GXYLT1: variants seen among roughly 807,000 people sequenced by gnomAD.
GXYLT1 encodes the protein glycosyltransferase 8 domain containing 3.
In GXYLT1, 29 loss-of-function variants were observed where a neutral mutation model predicts 54.0. That is an observed-to-expected ratio of 0.54 (90% CI 0.40 to 0.73). The LOEUF (loss-of-function observed/expected upper bound fraction) is 0.73, where lower values mean the gene tolerates loss of function less well. GXYLT1 is among the 30% of genes least tolerant of loss of function. GXYLT1 has a pLI of 0.00. For missense variants in GXYLT1, 490 were observed against 553.4 expected (o/e 0.89, Z 1.15); for synonymous variants, 176 against 204.1 (o/e 0.86, Z 1.17).
intron 7 of GXYLT1, among the ~76,000 whole-genome samples, chr12:42,091,168 T>C (rs1365984338): frequency 6.6e-6 from 1 of 152,118 alleles, no homozygotes; most frequent in East Asian, 1.9e-4. Flanking sequence ...AGCAGGAGCA[T>C]CATAAAAGAC....
chr12:42,109,892 T>A (rs947731751), intron 3 of GXYLT1, among the ~76,000 whole-genome samples: 3 of 152,194 alleles, frequency 2.0e-5, no homozygotes, highest in African/African-American at 7.2e-5. Context: ...GATCCCAGAC[T>A]TCCCCATTAA....
At chr12:42,090,028 T>A (rs1160662428) in intron 7 of GXYLT1, among the ~76,000 whole-genome samples, 1 of 151,910 alleles carries the variant, frequency 6.6e-6, no homozygotes, top group Non-Finnish European at 1.5e-5. Flanking sequence ...TTCCCAGGAG[T>A]ATGTAGTACT....
At chr12:42,092,098 GT>G (rs1376730639) in intron 7 of GXYLT1, among the ~76,000 whole-genome samples, 1 of 152,152 alleles carries the variant, frequency 6.6e-6, no homozygotes, top group Non-Finnish European at 1.5e-5. Context: ...CTCTTTCACA[GT>G]TCTAGAACAA....
chr12:42,100,013 A>T (rs1046980710), intron 5 of GXYLT1, among the ~76,000 whole-genome samples: 3 of 152,192 alleles, frequency 2.0e-5, no homozygotes, highest in Non-Finnish European at 1.5e-5. Flanking sequence ...TTTAAAATAA[A>T]AAAGATACTG....
chr12:42,101,867 C>A (rs982215232), intron 5 of GXYLT1, among the ~76,000 whole-genome samples: 3 of 152,126 alleles, frequency 2.0e-5, no homozygotes, highest in Non-Finnish European at 4.4e-5. Flanking sequence ...CCACTGCACC[C>A]AGCCTCAAAA....
At chr12:42,138,248 C>T (rs1279076945) in intron 1 of GXYLT1, among the ~76,000 whole-genome samples, 1 of 152,102 alleles carries the variant, frequency 6.6e-6, no homozygotes, top group African/African-American at 2.4e-5. Flanking sequence ...GTCTGGGTGA[C>T]AGAGACTGCG....
chr12:42,097,571 A>G lies in GXYLT1; in HGVS notation c.1032T>C (p.Asp344=). The change falls in exon 7 of 8, where the codon GAT becomes GAC. Residue 344 remains aspartate, a synonymous_variant. Transcript: ENST00000398675. ...GGCAATTGCTTCCATATATACAATG[A>G]TCTGGTCGATAATTCCATTGACACG... is the stretch of plus-strand genomic sequence containing the variant. ...VFPCQWNYRP[D]HCIYGSNCQE... is the part of the protein sequence containing the mutation. 1 of 1,609,406 alleles carries G rather than the reference A, an allele frequency of 6.2e-7. No homozygotes were observed. Among genetic ancestry groups the G allele is most frequent in the Non-Finnish European group, 8.5e-7 (1 of 1,178,770 alleles).
chr12:42,132,660 G>A (rs1007374939), intron 1 of GXYLT1, among the ~76,000 whole-genome samples: 1 of 152,146 alleles, frequency 6.6e-6, no homozygotes, highest in African/African-American at 2.4e-5. Context: ...AAACGCCCAC[G>A]TGAGCTAGAG....
chr12:42,118,620 G>T (rs912261266), intron 3 of GXYLT1, among the ~76,000 whole-genome samples: 1 of 152,180 alleles, frequency 6.6e-6, no homozygotes, highest in African/African-American at 2.4e-5. Flanking sequence ...ATCTCAAATT[G>T]TAATTCCCAC....
intron 1 of GXYLT1, among the ~76,000 whole-genome samples, chr12:42,133,300 C>A (rs824732): frequency 0.02 from 2,994 of 152,140 alleles, 115 homozygotes; most frequent in African/African-American, 0.068. Flanking sequence ...AACCAACCAA[C>A]CAAGTAGGAT....
At chr12:42,127,540 G>A (rs1002560372) in intron 2 of GXYLT1, among the ~76,000 whole-genome samples, 1 of 152,138 alleles carries the variant, frequency 6.6e-6, no homozygotes, top group Admixed American at 6.6e-5. Flanking sequence ...ATGAGTTAGA[G>A]GAGCCAAAAC....
chr12:42,138,560 G>A (rs1240859891), intron 1 of GXYLT1, among the ~76,000 whole-genome samples: 1 of 151,956 alleles, frequency 6.6e-6, no homozygotes, highest in Non-Finnish European at 1.5e-5. Context: ...AAAACTGGTA[G>A]AAAGCTTTCC....
At chr12:42,106,921 A>C (rs1244829104) in intron 4 of GXYLT1, among the ~76,000 whole-genome samples, 1 of 151,208 alleles carries the variant, frequency 6.6e-6, no homozygotes, top group African/African-American at 2.4e-5. Flanking sequence ...AATTTTTCAT[A>C]TTTTTAGTAG....
At chr12:42,126,673 A>C (rs1250662832) in intron 2 of GXYLT1, among the ~76,000 whole-genome samples, 1 of 152,136 alleles carries the variant, frequency 6.6e-6, no homozygotes, top group Non-Finnish European at 1.5e-5. Context: ...CGGCCAGATC[A>C]CCTGAGCTCA....
At chr12:42,107,048 A>C (rs1213021415) in intron 4 of GXYLT1, among the ~76,000 whole-genome samples, 1 of 152,116 alleles carries the variant, frequency 6.6e-6, no homozygotes, top group African/African-American at 2.4e-5. Flanking sequence ...TGCCCAATCA[A>C]GGATAATTTT....
At chr12:42,109,302 A>G (rs2065438288) in intron 4 of GXYLT1, among the ~76,000 whole-genome samples, 1 of 152,202 alleles carries the variant, frequency 6.6e-6, no homozygotes, top group African/African-American at 2.4e-5. Flanking sequence ...CAGATAAAAG[A>G]GTTCACCGCA....
intron 1 of GXYLT1, among the ~76,000 whole-genome samples, chr12:42,139,478 CCTTA>C (rs1006721474): frequency 6.6e-5 from 10 of 151,952 alleles, no homozygotes; most frequent in African/African-American, 2.4e-4. Context: ...TAGTGGGGGG[CCTTA>C]TAAAAGGGGC....
chr12:42,105,171 A>T (rs1016845081), intron 5 of GXYLT1, among the ~76,000 whole-genome samples: 1 of 152,258 alleles, frequency 6.6e-6, no homozygotes, highest in Non-Finnish European at 1.5e-5. Context: ...ACTAATCTAC[A>T]TGAAACTGGT....
chr12:42,090,778 G>T (rs1054018929), intron 7 of GXYLT1, among the ~76,000 whole-genome samples: 4 of 152,172 alleles, frequency 2.6e-5, no homozygotes, highest in African/African-American at 9.7e-5. Flanking sequence ...ATATAAGCAA[G>T]GTGTAAAGTA....
Sources: gnomAD v4.1 joint callset for allele counts (sites outside exome capture counted in the v4.1 genomes callset) on GRCh38, gnomAD v4.1.1 for gene constraint, MANE v1.5 for transcripts, NCBI Gene and HGNC (gene_info 2026-07-23, HGNC 2026-07-21) for gene names.